Variants in FHIT observed in about 807,000 individuals in gnomAD.
The protein encoded by FHIT is bis(5'-adenosyl)-triphosphatase.
Under a neutral mutation model 17.9 loss-of-function variants are expected in FHIT, and 19 were observed. That is an observed-to-expected ratio of 1.06 (90% CI 0.74 to 1.56). The LOEUF (loss-of-function observed/expected upper bound fraction) is 1.56. Ranked by LOEUF, FHIT falls within the 40% of genes most tolerant of loss-of-function variation. FHIT has a pLI of 0.00. For synonymous variants in FHIT, 81 were observed against 69.7 expected (o/e 1.16, Z -0.81); for missense variants, 248 against 189.2 (o/e 1.31, Z -1.82).
At chr3:60,321,441 A>T (rs968622980) in intron 5 of FHIT, among the ~76,000 whole-genome samples, 1 of 152,124 alleles carries the variant, frequency 6.6e-6, no homozygotes, top group African/African-American at 2.4e-5. Flanking sequence ...GCACCACTGT[A>T]CTCCAGCCTG....
intron 4 of FHIT, among the ~76,000 whole-genome samples, chr3:60,693,750 G>C (rs1362134108): frequency 6.6e-6 from 1 of 152,130 alleles, no homozygotes; most frequent in Non-Finnish European, 1.5e-5. Flanking sequence ...GTACACTATA[G>C]TTTAGTGAAT....
intron 5 of FHIT, among the ~76,000 whole-genome samples, chr3:60,226,472 C>CAAAAAAAGAA (rs1704205534): frequency 1.4e-5 from 1 of 70,148 alleles, no homozygotes; most frequent in Non-Finnish European, 2.7e-5. Context: ...AACTCCGTCT[C>CAAAAAAAGAA]AAAAAAAAAA....
intron 5 of FHIT, among the ~76,000 whole-genome samples, chr3:60,491,323 A>G (rs1030610357): frequency 3.3e-5 from 5 of 152,134 alleles, no homozygotes; most frequent in African/African-American, 7.2e-5. Flanking sequence ...TAGCAGCCCT[A>G]TGAAAAACAG....
intron 5 of FHIT, among the ~76,000 whole-genome samples, chr3:60,113,871 G>A (rs1434628888): frequency 6.8e-6 from 1 of 148,134 alleles, no homozygotes; most frequent in African/African-American, 2.5e-5. Context: ...GCGTGGTGGC[G>A]GGCGCCTGTA....
chr3:60,728,779 A>G (rs2041969538), intron 4 of FHIT, among the ~76,000 whole-genome samples: 1 of 152,148 alleles, frequency 6.6e-6, no homozygotes, highest in Non-Finnish European at 1.5e-5. Context: ...CCTCATCAAC[A>G]AAGTGTCATA....
chr3:60,810,491 T>C (rs1173862602), intron 4 of FHIT, among the ~76,000 whole-genome samples: 2 of 152,174 alleles, frequency 1.3e-5, no homozygotes, highest in African/African-American at 4.8e-5. Context: ...ACTGTGTGCA[T>C]GGTAATCGGC....
intron 1 of FHIT, among the ~76,000 whole-genome samples, chr3:61,242,367 T>G (rs760961244): frequency 2.6e-5 from 4 of 152,012 alleles, no homozygotes; most frequent in Non-Finnish European, 5.9e-5. Flanking sequence ...AGGTGACATA[T>G]TTTCTATAAA....
chr3:60,299,851 C>T (rs917615686), intron 5 of FHIT, among the ~76,000 whole-genome samples: 1 of 152,082 alleles, frequency 6.6e-6, no homozygotes, highest in African/African-American at 2.4e-5. Flanking sequence ...AGGTAGGCCA[C>T]ACGTTTTTCA....
At chr3:60,560,911 C>A (rs529397602) in intron 4 of FHIT, among the ~76,000 whole-genome samples, 26 of 150,480 alleles carry the variant, frequency 1.7e-4, no homozygotes, top group East Asian at 4.0e-4. Flanking sequence ...GGAAGGGACA[C>A]AGAGCCAGGG....
Position 61,012,406 on chromosome 3 carries a change from A to T in FHIT, c.-111+29641T>A, listed in dbSNP as rs1453211909. Among the ~76,000 whole-genome samples the T allele has an allele frequency of 2.6e-5, 4 of 152,258 alleles. No homozygotes were observed. In the East Asian group the frequency reaches 7.7e-4, roughly 29 times the overall value. On this transcript the variant is annotated intron_variant, in intron 3 of 9. Transcript: ENST00000492590. ...GTCAGAGGATGAATCATAAAAAAAA[A>T]TTTGATGAGAAATTACTATATGATT...
chr3:60,358,240 T>C (rs1414287825), intron 5 of FHIT, among the ~76,000 whole-genome samples: 1 of 152,212 alleles, frequency 6.6e-6, no homozygotes, highest in Non-Finnish European at 1.5e-5. Flanking sequence ...TAAAATATTC[T>C]AAAGACAGAA....
intron 1 of FHIT, among the ~76,000 whole-genome samples, chr3:61,203,050 G>A (rs879760827): frequency 6.6e-6 from 1 of 152,050 alleles, no homozygotes; most frequent in Admixed American, 6.6e-5. Context: ...TGTGGTACCA[G>A]GCGCCTGTAG....
chr3:60,954,997 T>C (rs1411714271), intron 3 of FHIT, among the ~76,000 whole-genome samples: 1 of 152,198 alleles, frequency 6.6e-6, no homozygotes, highest in Admixed American at 6.5e-5. Context: ...TTAATTCTAT[T>C]TATTGTTACC....
intron 3 of FHIT, among the ~76,000 whole-genome samples, chr3:61,016,477 T>C (rs1230550996): frequency 6.6e-6 from 1 of 152,200 alleles, no homozygotes; most frequent in African/African-American, 2.4e-5. Flanking sequence ...GAACTTACCA[T>C]TTTGCAGCTA....
intron 5 of FHIT, among the ~76,000 whole-genome samples, chr3:60,500,922 C>T (rs75387199): frequency 0.046 from 7,018 of 152,094 alleles, 435 homozygotes; most frequent in East Asian, 0.29. Context: ...ACATTATATC[C>T]GGTGGCTAAC....
At chr3:60,137,909 T>A (rs1699881542) in intron 5 of FHIT, among the ~76,000 whole-genome samples, 1 of 152,156 alleles carries the variant, frequency 6.6e-6, no homozygotes, top group Non-Finnish European at 1.5e-5. Flanking sequence ...AATGGTTACA[T>A]GCTTCTCATA....
At chr3:59,897,772 C>CT (rs11401556) in intron 8 of FHIT, among the ~76,000 whole-genome samples, 11,326 of 144,540 alleles carry the variant, frequency 0.078, 839 homozygotes, top group African/African-American at 0.18. Flanking sequence ...CTTTTTTTTT[C>CT]TTTTTTTTTT....
In FHIT at chr3:59,916,441, T is replaced by A. The variant is rs566363422; in HGVS notation, c.348+5905A>T. 2.0e-5 allele frequency among the ~76,000 whole-genome samples: 3 copies of A among 152,282 alleles called. No individual in the cohort carries two copies. In the East Asian group the frequency reaches 5.8e-4, roughly 29 times the overall value. On this transcript the variant is annotated intron_variant, in intron 8 of 9. Transcript: ENST00000492590. ...CCTATTGTGGGGCTTCACCTTGTGA[T>A]CATGTAAGTCAATACTCCTTAATAA...
At chr3:59,988,744 T>C (rs932217008) in intron 7 of FHIT, among the ~76,000 whole-genome samples, 2 of 152,062 alleles carry the variant, frequency 1.3e-5, no homozygotes, top group African/African-American at 2.4e-5. Flanking sequence ...ACGACTTCCC[T>C]GTGGGGGTGG....
Sources: gnomAD v4.1 joint callset for allele counts (sites outside exome capture counted in the v4.1 genomes callset) on GRCh38, gnomAD v4.1.1 for gene constraint, MANE v1.5 for transcripts, NCBI Gene and HGNC (gene_info 2026-07-23, HGNC 2026-07-21) for gene names.